GOSR1: variants seen among roughly 807,000 people sequenced by gnomAD.
GOSR1 encodes the protein 28 kDa Golgi SNARE protein.
In GOSR1, 21 loss-of-function variants were observed where a neutral mutation model predicts 35.5. That is an observed-to-expected ratio of 0.59 (90% CI 0.42 to 0.85). The LOEUF (loss-of-function observed/expected upper bound fraction) is 0.85. GOSR1 is among the 40% of genes least tolerant of loss of function. GOSR1 has a pLI of 0.00. For synonymous variants in GOSR1, 94 were observed against 106.6 expected, an observed-to-expected ratio of 0.88 and a Z score of 0.73; for missense variants, 285 against 309.6, an observed-to-expected ratio of 0.92 and a Z score of 0.60.
chr17:30,480,971 C>G, intron 1 of GOSR1, 172 bp from the exon 2 acceptor site: 1 of 483,944 alleles, frequency 2.1e-6, no homozygotes, highest in Middle Eastern at 6.1e-4. Flanking sequence ...CTTGGCCTCC[C>G]AAAGTGGTGG....
intron 6 of GOSR1, among the ~76,000 whole-genome samples, chr17:30,508,377 C>G (rs1191387522): frequency 6.6e-6 from 1 of 152,132 alleles, no homozygotes; most frequent in Non-Finnish European, 1.5e-5. Context: ...TGTTTATGCT[C>G]TTTAATGTGC....
chr17:30,494,411 C>G (rs947527634), intron 6 of GOSR1, among the ~76,000 whole-genome samples: 1 of 152,160 alleles, frequency 6.6e-6, no homozygotes, highest in African/African-American at 2.4e-5. Flanking sequence ...GAATTAGTGT[C>G]AAGCTTGTAA....
At chr17:30,492,996 T>A (rs562662566) in intron 6 of GOSR1, among the ~76,000 whole-genome samples, 5 of 152,018 alleles carry the variant, frequency 3.3e-5, no homozygotes, top group East Asian at 1.9e-4. Context: ...GTTGTTATTT[T>A]TTTTTTTTTT....
At chr17:30,506,652 T>C (rs897133326) in intron 6 of GOSR1, among the ~76,000 whole-genome samples, 5 of 152,350 alleles carry the variant, frequency 3.3e-5, no homozygotes, top group African/African-American at 1.2e-4. Flanking sequence ...CTAAGATCAT[T>C]GATAAAGGTG....
At chr17:30,510,262 C>T (rs564566798) in intron 6 of GOSR1, among the ~76,000 whole-genome samples, 3 of 152,234 alleles carry the variant, frequency 2.0e-5, no homozygotes, top group African/African-American at 7.2e-5. Flanking sequence ...TTGGTAGAGA[C>T]AGAGTTTCGC....
chr17:30,519,141 G>GC (rs1013265962), intron 7 of GOSR1, among the ~76,000 whole-genome samples: 28 of 151,668 alleles, frequency 1.8e-4, no homozygotes, highest in African/African-American at 6.0e-4. Flanking sequence ...GCTCGCTGTA[G>GC]CCCCCCCCTC....
chr17:30,490,405 A>C, intron 5 of GOSR1, 188 bp downstream of exon 5: 18 of 450,912 alleles, frequency 4.0e-5, no homozygotes, highest in East Asian at 1.5e-4. Context: ...TTTTTATCTC[A>C]TGCTTCCTCT....
intron 6 of GOSR1, among the ~76,000 whole-genome samples, chr17:30,507,279 C>G (rs1373940833): frequency 1.3e-5 from 2 of 152,152 alleles, no homozygotes; most frequent in Non-Finnish European, 2.9e-5. Context: ...TAAGAACATT[C>G]ATGAGGAGGT....
At chr17:30,511,031 G>A (rs1056203762) in intron 7 of GOSR1, 122 bp downstream of exon 7, 8 of 586,400 alleles carry the variant, frequency 1.4e-5, no homozygotes, top group Admixed American at 1.2e-4. Context: ...ATCAAAGTTC[G>A]TTTATCCTCC....
chr17:30,514,135 G>T (rs1410338631), intron 7 of GOSR1, among the ~76,000 whole-genome samples: 2 of 152,172 alleles, frequency 1.3e-5, no homozygotes, highest in Non-Finnish European at 2.9e-5. Context: ...ACTAAATGAT[G>T]CAAAGGAAGT....
intron 6 of GOSR1, among the ~76,000 whole-genome samples, chr17:30,497,984 G>A (rs1335766234): frequency 6.7e-6 from 1 of 149,824 alleles, no homozygotes; most frequent in African/African-American, 2.5e-5. Context: ...CTTGAACCTG[G>A]CAGGCAGAAG....
At chr17:30,478,028 G>A in intron 1 of GOSR1, 2 of 640,852 alleles carry the variant, frequency 3.1e-6, no homozygotes, top group Non-Finnish European at 3.9e-6. Flanking sequence ...TTTGAAGGAG[G>A]AGAAAATAAC....
chr17:30,522,368 C>T lies in GOSR1; in HGVS notation c.737C>T (p.Ala246Val), dbSNP rs776943752. Reference sequence around the variant, plus strand: ...TGTACCATCCTGTTGCTGCTGTATGCGTTCCATTGATGGGACATCTTCAGG... The same window carrying T: ...TGTACCATCCTGTTGCTGCTGTATGTGTTCCATTGATGGGACATCTTCAGG... ...GICTILLLLYAFH is the reference protein window; with the variant it reads ...GICTILLLLYVFH Residue 246 changes from alanine to valine, a missense_variant, in exon 9 of 9, where the codon GCG becomes GTG. By Grantham distance (64) the Ala-to-Val change is moderately conservative (BLOSUM62 0). Transcript: ENST00000451249. 17 of 1,581,272 alleles carry T rather than the reference C, an allele frequency of 1.1e-5. No individual in the cohort carries two copies. Among genetic ancestry groups the T allele is most frequent in the South Asian group, 8.3e-5 (7 of 84,490 alleles).
At chr17:30,515,876 G>A (rs548126650) in intron 7 of GOSR1, among the ~76,000 whole-genome samples, 130 of 152,264 alleles carry the variant, frequency 8.5e-4, no homozygotes, top group Middle Eastern at 3.4e-3. Flanking sequence ...AAAGTATTGG[G>A]AAGATGGGAT....
intron 7 of GOSR1, among the ~76,000 whole-genome samples, chr17:30,511,616 G>A (rs189770825): frequency 4.5e-4 from 68 of 151,598 alleles, no homozygotes; most frequent in African/African-American, 1.4e-3. Context: ...TGCAACCTCC[G>A]CCTCCTGGGT....
At chr17:30,495,630 T>G (rs1226266017) in intron 6 of GOSR1, 1 of 324,796 alleles carries the variant, frequency 3.1e-6, no homozygotes, top group Non-Finnish European at 6.1e-6. Context: ...GCCAACACAT[T>G]TTCTCCTTCC....
chr17:30,496,616 CT>C (rs1375347768), intron 6 of GOSR1, among the ~76,000 whole-genome samples: 1 of 152,194 alleles, frequency 6.6e-6, no homozygotes, highest in Non-Finnish European at 1.5e-5. Flanking sequence ...GCCATCCACC[CT>C]TGCATTTCAG....
At chr17:30,508,540 G>A (rs1404801082) in intron 6 of GOSR1, among the ~76,000 whole-genome samples, 4 of 152,138 alleles carry the variant, frequency 2.6e-5, no homozygotes, top group African/African-American at 9.7e-5. Context: ...ATCTTGGCAG[G>A]TTAGTGCCAT....
intron 6 of GOSR1, among the ~76,000 whole-genome samples, chr17:30,509,457 A>T (rs527824465): frequency 6.6e-6 from 1 of 152,378 alleles, no homozygotes; most frequent in East Asian, 1.9e-4. Context: ...ATATGCAGTA[A>T]CTTAGATTAC....
Sources: gnomAD v4.1 joint callset for allele counts (sites outside exome capture counted in the v4.1 genomes callset) on GRCh38, gnomAD v4.1.1 for gene constraint, MANE v1.5 for transcripts, NCBI Gene and HGNC (gene_info 2026-07-23, HGNC 2026-07-21) for gene names.